The following USP25 variants were observed in gnomAD, a reference collection of about 807,000 sequenced individuals.
The protein encoded by USP25 is ubiquitin carboxyl-terminal hydrolase 25.
A neutral mutation model predicts 158.5 loss-of-function variants in USP25; 85 were observed. The observed-to-expected ratio is 0.54, with a 90% CI of 0.45 to 0.64. The LOEUF is 0.64. Ranked by LOEUF, USP25 falls within the 30% of genes least tolerant of loss-of-function variation. The pLI, the probability that USP25 is intolerant of heterozygous loss-of-function variation, is 0.00. For missense variants in USP25, 1,242 were observed against 1,327.3 expected, an observed-to-expected ratio of 0.94 and a Z score of 1.00; for synonymous variants, 464 against 460.4, an observed-to-expected ratio of 1.01 and a Z score of -0.10.
In USP25 at chr21:15,776,445, A is replaced by G. The variant is rs183788779; in HGVS notation, c.269-1459A>G. On this transcript the variant is annotated intron_variant, in intron 3 of 25. Coordinates refer to ENST00000400183, the MANE Select transcript of USP25 (RefSeq NM_001283041.3). ...AACGTGTGGATAAAAATAGAAGTAG[A>G]CTCTGGAAAATATCAATATACATTA... Among the ~76,000 whole-genome samples, 469 of 152,098 alleles carry G rather than the reference A, an allele frequency of 3.1e-3. 5 individuals carry two copies. Among genetic ancestry groups the G allele is most frequent in the Middle Eastern group, 0.02 (6 of 294 alleles).
At chr21:15,855,662 A>G (rs2039097685) in intron 20 of USP25, among the ~76,000 whole-genome samples, 1 of 152,194 alleles carries the variant, frequency 6.6e-6, no homozygotes, top group Admixed American at 6.5e-5. Context: ...TAAGTGCCAC[A>G]TCTTTCAAGT....
intron 6 of USP25, among the ~76,000 whole-genome samples, chr21:15,802,684 C>T (rs950565330): frequency 6.6e-6 from 1 of 151,504 alleles, no homozygotes; most frequent in Admixed American, 6.6e-5. Flanking sequence ...AGACATCTTA[C>T]CAGACATCTT....
intron 18 of USP25, 48 bp downstream of exon 18, chr21:15,842,588 T>C: frequency 6.2e-7 from 1 of 1,601,042 alleles, no homozygotes; most frequent in African/African-American, 1.3e-5. Flanking sequence ...GGTCACGACA[T>C]TTCCTCCAGT....
intron 1 of USP25, among the ~76,000 whole-genome samples, chr21:15,754,623 C>T (rs2033256430): frequency 6.6e-6 from 1 of 151,904 alleles, no homozygotes; most frequent in Admixed American, 6.6e-5. Context: ...TTCTGTAGAC[C>T]CTGAATGAAA....
At chr21:15,837,670 C>G (rs758430003) in intron 17 of USP25, among the ~76,000 whole-genome samples, 8 of 152,164 alleles carry the variant, frequency 5.3e-5, no homozygotes, top group Non-Finnish European at 1.2e-4. Flanking sequence ...CAAGAAGTAT[C>G]TGAAGTCCTT....
intron 6 of USP25, 31 bp from the exon 7 acceptor site, chr21:15,805,090 T>C: frequency 6.4e-7 from 1 of 1,551,860 alleles, no homozygotes; most frequent in Non-Finnish European, 8.6e-7. Flanking sequence ...TCAGTTAAGG[T>C]GTTTTTGTTT....
chr21:15,869,817 G>A (rs920551697), intron 22 of USP25, among the ~76,000 whole-genome samples: 6 of 152,034 alleles, frequency 3.9e-5, no homozygotes, highest in Non-Finnish European at 8.8e-5. Context: ...TCTGTTATCT[G>A]CTAGTAAAAT....
intron 21 of USP25, 140 bp from the exon 22 acceptor site, chr21:15,866,126 G>T (rs1016604035): frequency 1.2e-5 from 5 of 402,050 alleles, no homozygotes; most frequent in Non-Finnish European, 2.1e-5. Context: ...TTCACTTAAG[G>T]TTATTTAGGA....
Position 15,826,222 on chromosome 21 carries a change from C to T in USP25, c.1323C>T (p.Ser441=), listed in dbSNP as rs75761846. 5.1e-3 allele frequency: 8,217 copies of T among 1,613,776 alleles called. 278 individuals are homozygous for T. The East Asian group carries it at 0.085, about 17-fold the overall frequency. ...TTAACAGATATTTAAGCTATGGTTC[C>T]GGTCCCAAACGATTCCCCTTGGTAG... is the stretch of plus-strand genomic sequence containing the variant. The part of the protein sequence containing the change: ...QRLERYLSYG[S]GPKRFPLVDV... The change falls in exon 13 of 26, where the codon TCC becomes TCT. Residue 441 remains serine (S), a synonymous_variant. Coordinates refer to ENST00000400183, the MANE Select transcript of USP25 (RefSeq NM_001283041.3). This position sits in a 1 kb window ranked among gnomAD's most constrained non-coding sequence, Gnocchi z 4.8.
chr21:15,739,957 T>G (rs2031881547), intron 1 of USP25, among the ~76,000 whole-genome samples: 1 of 152,218 alleles, frequency 6.6e-6, no homozygotes, highest in African/African-American at 2.4e-5. Flanking sequence ...GTTTTTCTCT[T>G]TTTTGCCCCT....
intron 1 of USP25, among the ~76,000 whole-genome samples, chr21:15,742,107 C>T (rs2032111601): frequency 7.1e-6 from 1 of 140,838 alleles, no homozygotes. Flanking sequence ...AAGATACTTC[C>T]TTTTTTTTTT....
At chr21:15,868,809 C>A (rs1382289849) in intron 22 of USP25, among the ~76,000 whole-genome samples, 1 of 152,168 alleles carries the variant, frequency 6.6e-6, no homozygotes, top group Admixed American at 6.5e-5. Context: ...TGCCTACTCA[C>A]AACTTCTAAG....
intron 1 of USP25, among the ~76,000 whole-genome samples, chr21:15,743,411 T>C (rs961876346): frequency 8.5e-5 from 13 of 152,260 alleles, no homozygotes; most frequent in African/African-American, 2.6e-4. Flanking sequence ...AAGAATGTTA[T>C]TGAGCAACAG....
intron 18 of USP25, among the ~76,000 whole-genome samples, chr21:15,845,589 C>T (rs1403141213): frequency 6.6e-6 from 1 of 151,974 alleles, no homozygotes; most frequent in African/African-American, 2.4e-5. Context: ...ATTTATGTTC[C>T]CTAAGTGCAA....
intron 5 of USP25, among the ~76,000 whole-genome samples, chr21:15,792,879 G>A (rs2035666689): frequency 6.6e-6 from 1 of 151,462 alleles, no homozygotes; most frequent in Non-Finnish European, 1.5e-5. Flanking sequence ...AGGAATACCT[G>A]GATTAACATA....
At chr21:15,862,088 T>A (rs2039452194) in intron 20 of USP25, among the ~76,000 whole-genome samples, 1 of 152,132 alleles carries the variant, frequency 6.6e-6, no homozygotes, top group African/African-American at 2.4e-5. Context: ...TTTAGTGGAA[T>A]CACTCCGTGC....
chr21:15,751,851 G>A (rs891316832), intron 1 of USP25, among the ~76,000 whole-genome samples: 1 of 152,142 alleles, frequency 6.6e-6, no homozygotes, highest in Non-Finnish European at 1.5e-5. Context: ...TTTTTTGGGA[G>A]AAATACATTT....
At chr21:15,845,050 A>T (rs1177646139) in intron 18 of USP25, among the ~76,000 whole-genome samples, 1 of 152,104 alleles carries the variant, frequency 6.6e-6, no homozygotes, top group African/African-American at 2.4e-5. Flanking sequence ...TTTCCTTAGA[A>T]TAGATTTCCC....
At chr21:15,837,751 C>G (rs1024396172) in intron 17 of USP25, among the ~76,000 whole-genome samples, 1 of 152,008 alleles carries the variant, frequency 6.6e-6, no homozygotes, top group African/African-American at 2.4e-5. Flanking sequence ...AAGTGTATTG[C>G]GTAAGGTTTT....
Sources: gnomAD v4.1 joint callset for allele counts (sites outside exome capture counted in the v4.1 genomes callset) on GRCh38, gnomAD v4.1.1 for gene constraint, Gnocchi (gnomAD v3.1) non-coding constraint, MANE v1.5 for transcripts, NCBI Gene and HGNC (gene_info 2026-07-23, HGNC 2026-07-21) for gene names.